PLS1: variants seen among roughly 807,000 people sequenced by gnomAD.
The protein encoded by PLS1 is plastin 1.
Under a neutral mutation model 73.7 loss-of-function variants are expected in PLS1, and 32 were observed. That is an observed-to-expected ratio of 0.43 (90% confidence interval 0.33 to 0.58). The LOEUF (loss-of-function observed/expected upper bound fraction) is 0.58, where lower values mean the gene tolerates loss of function less well. Among genes scored for constraint, PLS1 ranks in the 20% least tolerant of loss-of-function variants. The probability of loss-of-function intolerance (pLI) is 0.04; values close to 1 mark genes in which losing one functional copy is unlikely to be tolerated. For synonymous variants in PLS1, 217 were observed against 261.3 expected, an observed-to-expected ratio of 0.83 and a Z score of 1.63; for missense variants, 633 against 740.5, an observed-to-expected ratio of 0.85 and a Z score of 1.68.
chr3:142,704,944 TACC>T (rs886985335), intron 14 of PLS1, among the ~76,000 whole-genome samples: 1 of 151,746 alleles, frequency 6.6e-6, no homozygotes, highest in African/African-American at 2.4e-5. Context: ...AGGCATGAGC[TACC>T]ACGCCTGGCC....
chr3:142,698,341 A>G, intron 12 of PLS1: 1 of 264,256 alleles, frequency 3.8e-6, no homozygotes, highest in Non-Finnish European at 7.1e-6. Flanking sequence ...TTTTTTTACA[A>G]TTGGTATAAC....
chr3:142,654,709 A>C (rs2037182397), intron 1 of PLS1: 1 of 152,236 alleles, frequency 6.6e-6, no homozygotes. Context: ...CATGTGGATT[A>C]AAAAATTTGA....
chr3:142,614,663 TTTTGTCCC>T (rs1268660326), intron 1 of PLS1, among the ~76,000 whole-genome samples: 1 of 152,146 alleles, frequency 6.6e-6, no homozygotes, highest in Non-Finnish European at 1.5e-5. Context: ...ATGGGTGCCA[TTTTGTCCC>T]TTTGGCAGCC....
chr3:142,640,006 G>A (rs1220951167), intron 1 of PLS1, among the ~76,000 whole-genome samples: 2 of 152,142 alleles, frequency 1.3e-5, no homozygotes, highest in African/African-American at 4.8e-5. Context: ...GCTGCAGACT[G>A]CTCATTGGAA....
At chr3:142,661,436 G>T (rs1193211936) in intron 1 of PLS1, among the ~76,000 whole-genome samples, 1 of 152,018 alleles carries the variant, frequency 6.6e-6, no homozygotes, top group Non-Finnish European at 1.5e-5. Flanking sequence ...TTAGAACCAG[G>T]CCCCAGAAAA....
rs116703769 is a variant in PLS1 at position 142,631,651 on chromosome 3, G to A, written c.-36-32551G>A. Among the ~76,000 whole-genome samples the A allele has an allele frequency of 3.4e-3, 349 of 103,622 alleles. 4 individuals carry two copies. Among genetic ancestry groups the A allele is most frequent in the African/African-American group, 0.013 (337 of 26,284 alleles). The allele number at this position is 103,622 out of a possible 152,430, so 68.0% of individuals were successfully genotyped here. ...AGTCCAGCCTAGACAACAGAGTTGA[G>A]ACCCTGTCTCTAGAAAAAAAAAAAA... On this transcript the variant is annotated intron_variant, in intron 1 of 15. Transcript: ENST00000457734.
At chr3:142,662,824 G>A (rs945858852) in intron 1 of PLS1, among the ~76,000 whole-genome samples, 9 of 152,192 alleles carry the variant, frequency 5.9e-5, no homozygotes, top group African/African-American at 2.2e-4. Flanking sequence ...TGAAAACATA[G>A]TGACAATGTG....
chr3:142,702,910 G>C (rs1177528238), intron 12 of PLS1, among the ~76,000 whole-genome samples: 4 of 150,978 alleles, frequency 2.6e-5, no homozygotes, highest in Non-Finnish European at 2.9e-5. Context: ...TTGTCCTTTA[G>C]AAGAAGCTTA....
chr3:142,665,598 G>A (rs375708049), intron 2 of PLS1, among the ~76,000 whole-genome samples: 18 of 152,074 alleles, frequency 1.2e-4, no homozygotes, highest in Middle Eastern at 3.2e-3. Context: ...AATGTATCTC[G>A]TAGTTTGATA....
At chr3:142,654,952 A>G (rs897832538) in intron 1 of PLS1, 5 of 152,094 alleles carry the variant, frequency 3.3e-5, no homozygotes, top group African/African-American at 1.2e-4. Context: ...CTGTGAAGAG[A>G]AATATTAGAG....
chr3:142,691,180 G>C (rs982667909), intron 10 of PLS1, among the ~76,000 whole-genome samples: 1 of 151,884 alleles, frequency 6.6e-6, no homozygotes, highest in Non-Finnish European at 1.5e-5. Context: ...ATTAATGAAC[G>C]ACGTTTCAGA....
chr3:142,639,450 G>T (rs1442956961), intron 1 of PLS1, among the ~76,000 whole-genome samples: 1 of 152,168 alleles, frequency 6.6e-6, no homozygotes, highest in Non-Finnish European at 1.5e-5. Context: ...CAAAGAGTAA[G>T]TTATAATTTA....
intron 6 of PLS1, among the ~76,000 whole-genome samples, 157 bp from the exon 7 acceptor site, chr3:142,683,849 C>T (rs1577887969): frequency 1.3e-5 from 2 of 150,552 alleles, no homozygotes; most frequent in Middle Eastern, 3.4e-3. Context: ...ACAGTTAAAA[C>T]CATGTGTTTT....
chr3:142,610,991 T>G (rs750372383), intron 1 of PLS1, among the ~76,000 whole-genome samples: 6 of 152,198 alleles, frequency 3.9e-5, no homozygotes, highest in Non-Finnish European at 8.8e-5. Context: ...AGGCTTTGTG[T>G]TTCATGTGGT....
At chr3:142,615,521 A>T (rs1315306790) in intron 1 of PLS1, among the ~76,000 whole-genome samples, 1 of 152,126 alleles carries the variant, frequency 6.6e-6, no homozygotes, top group African/African-American at 2.4e-5. Context: ...TGAGAAATAG[A>T]TACAGGTCTC....
intron 1 of PLS1, among the ~76,000 whole-genome samples, chr3:142,630,256 A>C (rs1229164711): frequency 6.6e-6 from 1 of 150,952 alleles, no homozygotes; most frequent in Non-Finnish European, 1.5e-5. Context: ...CCCCATCTCT[A>C]CTAAAAAGAC....
intron 1 of PLS1, among the ~76,000 whole-genome samples, chr3:142,617,018 A>G (rs1577779387): frequency 6.6e-6 from 1 of 152,138 alleles, no homozygotes; most frequent in East Asian, 1.9e-4. Context: ...ATCACAATGG[A>G]CCATTGCCCA....
chr3:142,624,170 AT>A (rs2036372140), intron 1 of PLS1, among the ~76,000 whole-genome samples: 1 of 152,184 alleles, frequency 6.6e-6, no homozygotes, highest in Non-Finnish European at 1.5e-5. Flanking sequence ...AAATATCTAA[AT>A]GGAAATAAAT....
intron 14 of PLS1, among the ~76,000 whole-genome samples, chr3:142,705,914 G>T (rs914950168): frequency 2.6e-5 from 4 of 151,678 alleles, no homozygotes; most frequent in Admixed American, 2.6e-4. Context: ...GTTACTGCTT[G>T]TTTTTTTTGA....
Sources: allele counts gnomAD v4.1 joint callset (sites outside exome capture counted in the v4.1 genomes callset), GRCh38; gene constraint gnomAD v4.1.1; transcripts MANE v1.5; gene names NCBI Gene and HGNC (gene_info 2026-07-23, HGNC 2026-07-21).